CSMD1: variants seen among roughly 807,000 people sequenced by gnomAD.
CSMD1 encodes CUB and Sushi multiple domains 1.
CSMD1 carries 213 observed loss-of-function variants against 417.5 expected under a neutral mutation model. The ratio of observed to expected loss-of-function variants is 0.51; its 90% CI spans 0.46 to 0.57. The LOEUF is 0.57. CSMD1 is among the 20% of genes least tolerant of loss of function. The pLI is 0.00. For missense variants in CSMD1, 6,923 were observed against 4,529.7 expected (o/e 1.53, Z -15.17); for synonymous variants, 2,862 against 1,736.8 (o/e 1.65, Z -16.11).
At chr8:3,295,577 C>T (rs896210324) in intron 25 of CSMD1, among the ~76,000 whole-genome samples, 10 of 152,210 alleles carry the variant, frequency 6.6e-5, no homozygotes, top group African/African-American at 2.4e-4. Flanking sequence ...ACACGTGGTA[C>T]CGCACTGTAT....
chr8:4,080,787 C>G (rs912815099), intron 3 of CSMD1, among the ~76,000 whole-genome samples: 1 of 152,096 alleles, frequency 6.6e-6, no homozygotes, highest in Non-Finnish European at 1.5e-5. Flanking sequence ...TTACCACACC[C>G]CTCTCTAAGT....
At chr8:4,282,196 A>AT (rs565163492) in intron 3 of CSMD1, among the ~76,000 whole-genome samples, 22 of 152,326 alleles carry the variant, frequency 1.4e-4, no homozygotes, top group Non-Finnish European at 2.6e-4. Context: ...ATCAATAGTG[A>AT]TTTTTTGTGA....
intron 3 of CSMD1, among the ~76,000 whole-genome samples, chr8:4,107,032 C>G (rs925419242): frequency 6.6e-6 from 1 of 152,094 alleles, no homozygotes; most frequent in Non-Finnish European, 1.5e-5. Context: ...TGAGAGCTGC[C>G]ACATATCACG....
chr8:3,821,740 C>G (rs752104586), intron 5 of CSMD1, among the ~76,000 whole-genome samples: 1 of 152,166 alleles, frequency 6.6e-6, no homozygotes, highest in Admixed American at 6.5e-5. Flanking sequence ...TGAAATCGCA[C>G]CACTGCACTC....
chr8:4,898,560 T>G (rs1052776232), intron 1 of CSMD1, among the ~76,000 whole-genome samples: 5 of 152,156 alleles, frequency 3.3e-5, no homozygotes, highest in African/African-American at 1.2e-4. Context: ...AATCCAAGGG[T>G]GAGCATGGCT....
At chr8:3,293,328 A>G (rs1584943960) in intron 25 of CSMD1, among the ~76,000 whole-genome samples, 1 of 152,180 alleles carries the variant, frequency 6.6e-6, no homozygotes, top group African/African-American at 2.4e-5. Context: ...CTCGAGGAGT[A>G]TCTTTGTGGC....
At chr8:3,241,797 C>T (rs868732871) in intron 26 of CSMD1, among the ~76,000 whole-genome samples, 5 of 152,140 alleles carry the variant, frequency 3.3e-5, no homozygotes, top group Non-Finnish European at 7.3e-5. Context: ...AGGCAAGGAA[C>T]TGCAACTTAG....
At chr8:4,361,989 T>G (rs182583802) in intron 3 of CSMD1, among the ~76,000 whole-genome samples, 1 of 151,768 alleles carries the variant, frequency 6.6e-6, no homozygotes, top group South Asian at 2.1e-4. Context: ...AATAAATAAA[T>G]AAAGTTTCCT....
At chr8:4,096,163 A>G (rs113078275) in intron 3 of CSMD1, among the ~76,000 whole-genome samples, 38 of 152,286 alleles carry the variant, frequency 2.5e-4, no homozygotes, top group Middle Eastern at 3.4e-3. Context: ...AGGGCTGACT[A>G]AGAGATCAGT....
chr8:3,824,839 A>C (rs1267272084), intron 5 of CSMD1, among the ~76,000 whole-genome samples: 4 of 152,154 alleles, frequency 2.6e-5, no homozygotes, highest in African/African-American at 9.7e-5. Flanking sequence ...GATTTCAATA[A>C]AATGACACAG....
intron 1 of CSMD1, among the ~76,000 whole-genome samples, chr8:4,774,916 C>T (rs576900612): frequency 6.8e-4 from 104 of 152,276 alleles, no homozygotes; most frequent in African/African-American, 2.3e-3. Context: ...CAGGCAGCTT[C>T]CAGCATGATG....
At chr8:3,026,593 G>GCCTCACTGGA (rs1017718707) in intron 51 of CSMD1, among the ~76,000 whole-genome samples, 1 of 151,824 alleles carries the variant, frequency 6.6e-6, no homozygotes, top group Non-Finnish European at 1.5e-5. Flanking sequence ...GCTTGACTGG[G>GCCTCACTGGA]CCTCACTGGA....
chr8:4,696,530 C>A (rs180905955), intron 1 of CSMD1, among the ~76,000 whole-genome samples: 1 of 152,114 alleles, frequency 6.6e-6, no homozygotes, highest in African/African-American at 2.4e-5. Context: ...ATTATCCTAC[C>A]CTGGAAGCCC....
chr8:4,307,988 G>A (rs576522932), intron 3 of CSMD1, among the ~76,000 whole-genome samples: 2 of 152,236 alleles, frequency 1.3e-5, no homozygotes, highest in South Asian at 4.2e-4. Flanking sequence ...AGAGGCTCAA[G>A]GAGGCTGGGA....
intron 5 of CSMD1, among the ~76,000 whole-genome samples, chr8:3,983,666 G>C (rs941189928): frequency 5.3e-5 from 8 of 152,196 alleles, no homozygotes; most frequent in Non-Finnish European, 2.9e-5. Context: ...AGATCATGTG[G>C]AGTGTATTTT....
At chr8:4,544,374 T>G (rs1325422894) in intron 2 of CSMD1, among the ~76,000 whole-genome samples, 1 of 152,118 alleles carries the variant, frequency 6.6e-6, no homozygotes, top group African/African-American at 2.4e-5. Flanking sequence ...AAGTTTTTCT[T>G]TTAAAAAATC....
intron 37 of CSMD1, among the ~76,000 whole-genome samples, chr8:3,175,280 T>C (rs1820836884): frequency 1.3e-5 from 2 of 152,192 alleles, no homozygotes; most frequent in Admixed American, 1.3e-4. Flanking sequence ...AAAGAGTTGT[T>C]ATATTTGTTT....
chr8:3,361,302 T>C (rs1809151035), intron 20 of CSMD1, among the ~76,000 whole-genome samples: 1 of 152,030 alleles, frequency 6.6e-6, no homozygotes, highest in South Asian at 2.1e-4. Context: ...GTGCACTCAA[T>C]TCAAGCCATA....
intron 2 of CSMD1, among the ~76,000 whole-genome samples, chr8:4,558,570 A>G (rs560298546): frequency 2.6e-5 from 4 of 152,256 alleles, no homozygotes; most frequent in Non-Finnish European, 4.4e-5. Flanking sequence ...AGTCCCTAAT[A>G]AACAATAGAG....
Sources: gnomAD v4.1 joint callset for allele counts (sites outside exome capture counted in the v4.1 genomes callset) on GRCh38, gnomAD v4.1.1 for gene constraint, MANE v1.5 for transcripts, NCBI Gene and HGNC (gene_info 2026-07-23, HGNC 2026-07-21) for gene names.